PIP5K1B: variants seen among roughly 807,000 people sequenced by gnomAD.
PIP5K1B encodes phosphatidylinositol-4-phosphate 5-kinase type 1 beta, also known as phosphatidylinositol 4-phosphate 5-kinase type-1 beta.
Under a neutral mutation model 67.0 loss-of-function variants are expected in PIP5K1B, and 42 were observed. The observed-to-expected ratio is 0.63, with a 90% CI of 0.49 to 0.81. PIP5K1B has a LOEUF of 0.81. PIP5K1B is among the 30% of genes least tolerant of loss of function. The pLI, the probability that PIP5K1B is intolerant of heterozygous loss-of-function variation, is 0.00. For missense variants in PIP5K1B, 459 were observed against 646.3 expected, an observed-to-expected ratio of 0.71 and a Z score of 3.14; for synonymous variants, 214 against 231.4, an observed-to-expected ratio of 0.92 and a Z score of 0.68.
intron 14 of PIP5K1B, among the ~76,000 whole-genome samples, chr9:68,986,074 G>T (rs1168007081): frequency 2.0e-5 from 3 of 152,182 alleles, no homozygotes; most frequent in African/African-American, 7.2e-5. Context: ...TCATATACAA[G>T]TTTGTGTGTG....
intron 12 of PIP5K1B, among the ~76,000 whole-genome samples, chr9:68,925,086 G>T (rs1183772526): frequency 6.6e-6 from 1 of 150,828 alleles, no homozygotes; most frequent in Non-Finnish European, 1.5e-5. Flanking sequence ...ACCATTTGAA[G>T]TTGCAACACA....
chr9:68,772,355 CA>C (rs1386924990), intron 2 of PIP5K1B, among the ~76,000 whole-genome samples: 2 of 152,182 alleles, frequency 1.3e-5, no homozygotes, highest in Non-Finnish European at 2.9e-5. Context: ...CACAGCCAAA[CA>C]TGTGTCCTCC....
intron 2 of PIP5K1B, among the ~76,000 whole-genome samples, chr9:68,747,579 T>G (rs1829383959): frequency 6.6e-6 from 1 of 152,064 alleles, no homozygotes; most frequent in Admixed American, 6.6e-5. Context: ...TTTAGGAGAG[T>G]TGGAGGTAAA....
chr9:68,800,054 C>T (rs1832516806), intron 2 of PIP5K1B, among the ~76,000 whole-genome samples: 1 of 152,140 alleles, frequency 6.6e-6, no homozygotes, highest in African/African-American at 2.4e-5. Context: ...AATAAGGAGC[C>T]TGATTGAAAA....
intron 14 of PIP5K1B, among the ~76,000 whole-genome samples, chr9:68,941,418 G>A (rs1483876900): frequency 6.6e-6 from 1 of 152,084 alleles, no homozygotes; most frequent in East Asian, 1.9e-4. Context: ...GAAGCAGAAG[G>A]CAGGATACTC....
intron 2 of PIP5K1B, among the ~76,000 whole-genome samples, chr9:68,766,786 C>T (rs1830447528): frequency 6.6e-6 from 1 of 151,858 alleles, no homozygotes; most frequent in Non-Finnish European, 1.5e-5. Context: ...TCAACAATAT[C>T]AGATATCAAA....
At chr9:68,848,846 T>G (rs888613030) in intron 4 of PIP5K1B, among the ~76,000 whole-genome samples, 23 of 152,088 alleles carry the variant, frequency 1.5e-4, no homozygotes, top group African/African-American at 5.1e-4. Flanking sequence ...AAAATGAAAA[T>G]TATAAAGTTA....
At chr9:69,006,359 C>T (rs1163089716) in intron 15 of PIP5K1B, among the ~76,000 whole-genome samples, 2 of 152,026 alleles carry the variant, frequency 1.3e-5, no homozygotes, top group African/African-American at 4.8e-5. Context: ...TGGGGGAGGA[C>T]ATAAATTTCA....
chr9:68,786,144 T>G (rs1410220846), intron 2 of PIP5K1B: 1 of 152,218 alleles, frequency 6.6e-6, no homozygotes, highest in Non-Finnish European at 1.5e-5. Context: ...TATCATTGCG[T>G]GGCAGCCAAG....
At chr9:68,901,118 T>C (rs1208637593) in intron 8 of PIP5K1B, among the ~76,000 whole-genome samples, 1 of 152,242 alleles carries the variant, frequency 6.6e-6, no homozygotes, top group Non-Finnish European at 1.5e-5. Context: ...AAAGGAGACG[T>C]ACATATCCTG....
chr9:68,714,505 G>C (rs1319789933), intron 1 of PIP5K1B, among the ~76,000 whole-genome samples: 1 of 152,084 alleles, frequency 6.6e-6, no homozygotes, highest in East Asian at 1.9e-4. Flanking sequence ...GTCCACTCTG[G>C]GTCTCCTAGA....
At chr9:68,808,166 C>T (rs1357096333) in intron 2 of PIP5K1B, among the ~76,000 whole-genome samples, 1 of 152,166 alleles carries the variant, frequency 6.6e-6, no homozygotes, top group East Asian at 1.9e-4. Context: ...CCACTGCACT[C>T]CAGCCTGGGT....
rs1564078257 is a variant in PIP5K1B, at chr9:68,705,603, C to T, written c.-402C>T. 7.3e-6 allele frequency: 1 copy of T among 136,560 alleles called. No individual in the cohort carries two copies. The highest frequency in any genetic ancestry group is 2.6e-4 in the East Asian group (1 of 3,800). The allele number at this position is 136,560 out of a possible 1,614,324, so 8.5% of individuals were successfully genotyped here. On this transcript the variant is annotated 5_prime_UTR_variant, in exon 1 of 16. Transcript: ENST00000265382. Reference sequence around the variant, plus strand: ...TCAGCGTTGCCCCCGGCCCCGGCCCCGCCCGCCGCCCCCTCCGCCCTCCCG... The same window carrying T: ...TCAGCGTTGCCCCCGGCCCCGGCCCTGCCCGCCGCCCCCTCCGCCCTCCCG...
intron 12 of PIP5K1B, among the ~76,000 whole-genome samples, chr9:68,930,114 A>G (rs543221936): frequency 6.6e-6 from 1 of 152,284 alleles, no homozygotes; most frequent in East Asian, 1.9e-4. Context: ...ATCCTTTGGA[A>G]GCTTTTCATC....
chr9:68,728,003 G>T (rs1040619776), intron 1 of PIP5K1B, among the ~76,000 whole-genome samples: 51 of 152,224 alleles, frequency 3.4e-4, no homozygotes, highest in African/African-American at 1.2e-3. Context: ...CAGTGGCAAA[G>T]AAAAATAAGT....
intron 2 of PIP5K1B, among the ~76,000 whole-genome samples, chr9:68,773,704 G>C (rs1830772739): frequency 6.6e-6 from 1 of 152,158 alleles, no homozygotes; most frequent in Non-Finnish European, 1.5e-5. Context: ...AGTTGAGAGG[G>C]CTCAGTAGCC....
rs147580291 is a variant in PIP5K1B at position 68,843,956 on chromosome 9, G to A, written c.70-19881G>A. ...ATGTGTGGCTCAGGAGACAGGCAGA[G>A]GTTGTTAGAGGAAGCACAGAATACT... is the stretch of plus-strand genomic sequence containing the variant. On this transcript the variant is annotated intron_variant, in intron 4 of 15. Coordinates refer to ENST00000265382, the MANE Select transcript of PIP5K1B (RefSeq NM_003558.4). Among the ~76,000 whole-genome samples the A allele has an allele frequency of 2.9e-3, 444 of 152,338 alleles. 1 individual carries two copies. Among genetic ancestry groups the A allele is most frequent in the African/African-American group, 0.01 (419 of 41,574 alleles).
At chr9:68,937,935 G>A (rs188609400) in intron 13 of PIP5K1B, among the ~76,000 whole-genome samples, 1 of 152,312 alleles carries the variant, frequency 6.6e-6, no homozygotes, top group East Asian at 1.9e-4. Context: ...TTAATCCTGA[G>A]TTCTAATTTG....
In PIP5K1B at chr9:68,847,038, T is replaced by G. The variant is rs1484533759; in HGVS notation, c.70-16799T>G. ...CCAATAAGAAGCTTCATTTTTATTT[T>G]TTTCTTTTTGTTTGGGTAAATGGAT... On this transcript the variant is annotated intron_variant, in intron 4 of 15. Coordinates refer to ENST00000265382, the MANE Select transcript of PIP5K1B (RefSeq NM_003558.4). 2.0e-5 allele frequency among the ~76,000 whole-genome samples: 3 copies of G among 152,164 alleles called. No homozygotes were observed. In the East Asian group the frequency reaches 5.8e-4, roughly 29 times the overall value.
Sources: gnomAD v4.1 joint callset for allele counts (sites outside exome capture counted in the v4.1 genomes callset) on GRCh38, gnomAD v4.1.1 for gene constraint, MANE v1.5 for transcripts, NCBI Gene and HGNC (gene_info 2026-07-23, HGNC 2026-07-21) for gene names.